The following PFKFB3 variants were observed in gnomAD, a reference collection of about 807,000 sequenced individuals.
PFKFB3 encodes 6-phosphofructo-2-kinase/fructose-2,6-biphosphatase 3.
PFKFB3 carries 33 observed loss-of-function variants against 68.0 expected under a neutral mutation model. That is an observed-to-expected ratio of 0.49 (90% CI 0.37 to 0.65). The LOEUF is 0.65. Among genes scored for constraint, PFKFB3 ranks in the 30% least tolerant of loss-of-function variants. The probability of loss-of-function intolerance (pLI) is 0.00; values close to 1 mark genes in which losing one functional copy is unlikely to be tolerated. For synonymous variants in PFKFB3, 315 were observed against 288.2 expected (o/e 1.09, Z -0.94); for missense variants, 586 against 712.2 (o/e 0.82, Z 2.02).
intron 1 of PFKFB3, among the ~76,000 whole-genome samples, chr10:6,211,851 G>A (rs1435975191): frequency 6.6e-6 from 1 of 152,220 alleles, no homozygotes; most frequent in Non-Finnish European, 1.5e-5. Context: ...TCTCCAAATA[G>A]CATGGAGGGG....
At chr10:6,203,900 ATC>A (rs148041220) in intron 1 of PFKFB3, among the ~76,000 whole-genome samples, 5,539 of 150,518 alleles carry the variant, frequency 0.037, 129 homozygotes, top group East Asian at 0.13. Context: ...TTCTGCTTTT[ATC>A]TCTTTCTCTC....
chr10:6,190,570 G>A (rs1051501720), intron 1 of PFKFB3, among the ~76,000 whole-genome samples: 2 of 152,154 alleles, frequency 1.3e-5, no homozygotes, highest in Admixed American at 6.5e-5. Flanking sequence ...GGAGACTGAG[G>A]CAGGGGGGAC....
At chr10:6,186,114 G>C (rs534341813) in intron 1 of PFKFB3, among the ~76,000 whole-genome samples, 1 of 152,206 alleles carries the variant, frequency 6.6e-6, no homozygotes, top group African/African-American at 2.4e-5. Flanking sequence ...GTATATGATG[G>C]AGAAATGATT....
the PFKFB3 span, among the ~76,000 whole-genome samples, chr10:6,275,156 G>C: frequency 1.3e-5 from 2 of 152,194 alleles, no homozygotes; most frequent in Non-Finnish European, 2.9e-5. The surrounding 1 kb of genome is among the most constrained non-coding windows in gnomAD (Gnocchi z 4.9). Context: ...TGACCCTTCG[G>C]CACTTGGGGG....
At chr10:6,306,557 C>A in the PFKFB3 span, among the ~76,000 whole-genome samples, 5 of 152,096 alleles carry the variant, frequency 3.3e-5, no homozygotes, top group Non-Finnish European at 4.4e-5. Flanking sequence ...AAAAATGTAA[C>A]AGATTTCCCT....
At chr10:6,326,573 C>T in the PFKFB3 span, 1,145 of 455,998 alleles carry the variant, frequency 2.5e-3, 18 homozygotes, top group African/African-American at 0.021. Context: ...AGGAGCTCCA[C>T]CGTGACTCTC....
intron 1 of PFKFB3, among the ~76,000 whole-genome samples, chr10:6,212,212 T>C (rs1183427373): frequency 6.6e-6 from 1 of 152,210 alleles, no homozygotes; most frequent in East Asian, 1.9e-4. Flanking sequence ...GCGGGTATCA[T>C]CTGGCCCTGG....
At position 6,217,168 on chromosome 10, in the gene PFKFB3, A is replaced by G. The variant is rs1443068012; in HGVS notation, c.475A>G (p.Thr159Ala). ...FFIESVCDDP[T>A]VVASNIMEVK... ...CATCGAGTCGGTGTGCGACGACCCT[A>G]CAGTTGTGGCCTCCAATATCATGGT... The change falls in exon 6 of 15, where the codon ACA becomes GCA. Residue 159 changes from threonine to alanine, a missense_variant. By Grantham distance (58) the Thr-to-Ala change is moderately conservative. Transcript: ENST00000379775. 1.9e-6 allele frequency: 3 copies of G among 1,613,942 alleles called. No individual in the cohort carries two copies. The highest frequency in any genetic ancestry group is 1.3e-5 in the African/African-American group (1 of 74,878).
chr10:6,266,875 C>T, the PFKFB3 span, among the ~76,000 whole-genome samples: 1 of 152,230 alleles, frequency 6.6e-6, no homozygotes, highest in Non-Finnish European at 1.5e-5. Context: ...GCGTGCGAAG[C>T]AGGCCTTGCC....
At chr10:6,214,379 G>A (rs538745649) in intron 2 of PFKFB3, among the ~76,000 whole-genome samples, 12 of 152,240 alleles carry the variant, frequency 7.9e-5, no homozygotes, top group East Asian at 3.9e-4. Flanking sequence ...CTCCCTGTCC[G>A]TGGCAAAATT....
chr10:6,234,937 C>CAGGGA lies in PFKFB3; in HGVS notation c.*1996_*2000dup, dbSNP rs1308219380. 6.8e-6 allele frequency: 1 copy of CAGGGA among 147,768 alleles called. No homozygotes were observed. The highest frequency in any genetic ancestry group is 1.5e-5 in the Non-Finnish European group (1 of 67,720). 9.2% of individuals were successfully genotyped at this position (147,768 alleles called of 1,614,324 possible). On this transcript the variant is annotated 3_prime_UTR_variant, in exon 15 of 15. Transcript: ENST00000379775. ...GGGAGAGAGGTAACATGAATCTGGA[C>CAGGGA]AGGGAGGGAGATACTATAGAAAGGA...
At chr10:6,270,478 C>T in the PFKFB3 span, among the ~76,000 whole-genome samples, 2 of 152,286 alleles carry the variant, frequency 1.3e-5, no homozygotes, top group East Asian at 3.9e-4. Context: ...CACAGCTCAC[C>T]GTGTCCTGGG....
At chr10:6,165,079 CCAGGAGGCCATATCT>C (rs1842088604) in intron 1 of PFKFB3, among the ~76,000 whole-genome samples, 1 of 152,098 alleles carries the variant, frequency 6.6e-6, no homozygotes, top group Admixed American at 6.6e-5. Context: ...CTTTCCCTTC[CCAGGAGGCCATATCT>C]CAGGCTGTCT....
At chr10:6,170,365 C>G (rs919877368) in intron 1 of PFKFB3, among the ~76,000 whole-genome samples, 2 of 152,176 alleles carry the variant, frequency 1.3e-5, no homozygotes, top group Non-Finnish European at 2.9e-5. Flanking sequence ...TCCCCCACCC[C>G]TCCTTTATGT....
Position 6,219,559 on chromosome 10 carries a change from G to C in PFKFB3, c.499-10G>C. ...CGTGATTTATCAGCCACCCCTTTGT[G>C]GTGTTGCAGGAAGTTAAAATCTCCA... On this transcript the variant is annotated splice_polypyrimidine_tract_variant and intron_variant, in intron 6 of 14. Transcript: ENST00000379775. The C allele has an allele frequency of 1.9e-6, 3 of 1,613,998 alleles. No homozygotes were observed. The highest frequency in any genetic ancestry group is 2.5e-6 in the Non-Finnish European group (3 of 1,179,960).
At chr10:6,293,350 C>A in the PFKFB3 span, 8 of 277,472 alleles carry the variant, frequency 2.9e-5, no homozygotes, top group Non-Finnish European at 5.7e-5. Flanking sequence ...TCTTTTCTTT[C>A]TTTCTTTCTT....
At chr10:6,241,289 C>T (rs746085648) in intron 14 of PFKFB3, among the ~76,000 whole-genome samples, 10 of 152,150 alleles carry the variant, frequency 6.6e-5, no homozygotes, top group Non-Finnish European at 1.3e-4. Flanking sequence ...AGAATCCCAC[C>T]GAGGTGAAGC....
chr10:6,224,174 G>A lies in PFKFB3; in HGVS notation c.1302G>A (p.Leu434=). The A allele has an allele frequency of 1.2e-6, 2 of 1,614,144 alleles. No individual in the cohort carries two copies. Among genetic ancestry groups the A allele is most frequent in the Non-Finnish European group, 1.7e-6 (2 of 1,180,012 alleles). ...AYGCRVESIY[L]NVESVCTHRE... is the part of the protein sequence containing the mutation. ...GCTGCCGTGTGGAATCCATCTACCT[G>A]AACGTGGAGTCCGTCTGCACACACC... The change falls in exon 13 of 15, where the codon CTG becomes CTA. Residue 434 remains leucine, a synonymous_variant. Transcript: ENST00000379775.
intron 1 of PFKFB3, among the ~76,000 whole-genome samples, chr10:6,196,096 A>T (rs550787968): frequency 8.0e-5 from 12 of 149,774 alleles, no homozygotes; most frequent in African/African-American, 3.0e-4. Flanking sequence ...ATGAGACAGC[A>T]CGGGCAGCAG....
Sources: gnomAD v4.1 joint callset for allele counts (sites outside exome capture counted in the v4.1 genomes callset) on GRCh38, gnomAD v4.1.1 for gene constraint, Gnocchi (gnomAD v3.1) non-coding constraint, MANE v1.5 for transcripts, NCBI Gene and HGNC (gene_info 2026-07-23, HGNC 2026-07-21) for gene names.